TRIM66: variants seen among roughly 807,000 people sequenced by gnomAD.
TRIM66 encodes tripartite motif containing 66.
In TRIM66, 99 loss-of-function variants were observed where a neutral mutation model predicts 148.2. That is an observed-to-expected ratio of 0.67 (90% CI 0.57 to 0.79). TRIM66 has a LOEUF of 0.79. TRIM66 is among the 30% of genes least tolerant of loss of function. TRIM66 has a pLI of 0.00. For synonymous variants in TRIM66, 616 were observed against 635.9 expected, an observed-to-expected ratio of 0.97 and a Z score of 0.47; for missense variants, 1,666 against 1,697.9, an observed-to-expected ratio of 0.98 and a Z score of 0.33.
Position 8,617,517 on chromosome 11 carries a change from AC to A in TRIM66, c.*426del, listed in dbSNP as rs1228875706. On this transcript the variant is annotated 3_prime_UTR_variant, in exon 25 of 25. Coordinates refer to ENST00000646038, the MANE Select transcript of TRIM66 (RefSeq NM_001388022.1). ...GATCACAGTCCTGCCATATGTCTAAACCTCTCTCCCTTCTTTTACCCACTTC... is the reference window on the plus strand; with the variant it reads ...GATCACAGTCCTGCCATATGTCTAAACTCTCTCCCTTCTTTTACCCACTTC... 5.8e-6 allele frequency: 1 copy of A among 173,298 alleles called. No homozygotes were observed. The highest frequency in any genetic ancestry group is 2.4e-5 in the African/African-American group (1 of 41,982). The allele number at this position is 173,298 out of a possible 1,614,324, so 10.7% of individuals were successfully genotyped here. A position where few individuals can be genotyped will look rare whatever the true frequency, so the allele number is the denominator to read the frequency against.
intron 15 of TRIM66, among the ~76,000 whole-genome samples, chr11:8,638,324 A>C (rs2036065451): frequency 6.6e-6 from 1 of 152,182 alleles, no homozygotes; most frequent in South Asian, 2.1e-4. Flanking sequence ...CAAATGTTGG[A>C]GGTGAGGTGA....
At chr11:8,680,368 T>C (rs2039353802) in intron 1 of TRIM66, among the ~76,000 whole-genome samples, 1 of 152,022 alleles carries the variant, frequency 6.6e-6, no homozygotes, top group Non-Finnish European at 1.5e-5. Context: ...GATACAGAAA[T>C]TGGAGGAGGG....
chr11:8,664,460 G>A (rs952566189), intron 6 of TRIM66, among the ~76,000 whole-genome samples: 14 of 152,138 alleles, frequency 9.2e-5, no homozygotes, highest in African/African-American at 1.2e-4. Context: ...TGACCTTACC[G>A]GGCAGTAGTT....
intron 6 of TRIM66, among the ~76,000 whole-genome samples, chr11:8,671,474 T>C (rs976330543): frequency 6.6e-6 from 1 of 152,228 alleles, no homozygotes; most frequent in Non-Finnish European, 1.5e-5. Flanking sequence ...CTTGGAGATT[T>C]AGTGAGTCAG....
chr11:8,622,337 A>AC, intron 18 of TRIM66, among the ~76,000 whole-genome samples: 2 of 45,564 alleles, frequency 4.4e-5, no homozygotes, highest in African/African-American at 6.5e-5. Context: ...ACACACACAC[A>AC]CAACACACAC....
chr11:8,648,601 C>T, intron 8 of TRIM66, 53 bp from the exon 9 acceptor site: 1 of 1,545,290 alleles, frequency 6.5e-7, no homozygotes. Context: ...AGACAAACCT[C>T]TCAGTTAAGC....
At chr11:8,622,311 G>A (rs914846648) in intron 18 of TRIM66, among the ~76,000 whole-genome samples, 4 of 128,528 alleles carry the variant, frequency 3.1e-5, no homozygotes, top group African/African-American at 8.8e-5. Flanking sequence ...ATGTGTGTGT[G>A]TATATATATG....
chr11:8,618,690 G>T, intron 24 of TRIM66, 60 bp downstream of exon 24: 1 of 1,455,494 alleles, frequency 6.9e-7, no homozygotes, highest in Non-Finnish European at 9.3e-7. Flanking sequence ...GTTCTGCTTG[G>T]GTGCCCCTCT....
chr11:8,671,238 A>G (rs936273192), intron 6 of TRIM66, among the ~76,000 whole-genome samples: 1 of 152,232 alleles, frequency 6.6e-6, no homozygotes, highest in Non-Finnish European at 1.5e-5. Flanking sequence ...TACCTCTGTG[A>G]CATGTCCTGT....
rs377695121 is a variant in TRIM66 at position 8,646,394 on chromosome 11, G to C, written c.957+53C>G. 2.0e-5 allele frequency: 29 copies of C among 1,443,256 alleles called. No individual in the cohort carries two copies. The African/African-American group carries it at 3.5e-4, about 18-fold the overall frequency. 89.4% of individuals were successfully genotyped at this position (1,443,256 alleles called of 1,614,324 possible). A position where few individuals can be genotyped will look rare whatever the true frequency, so the allele number is the denominator to read the frequency against. ...CTTCCCTAGGTCCTGGGACTAGCTT[G>C]ATATATGGATGGTTTCTGAACCCAA... On this transcript the variant is annotated intron_variant, in intron 11 of 24. Transcript: ENST00000646038.
chr11:8,646,398 T>G (rs1440606692), intron 11 of TRIM66, 49 bp downstream of exon 11: 2 of 1,466,082 alleles, frequency 1.4e-6, no homozygotes, highest in African/African-American at 2.8e-5. Flanking sequence ...TAGCTTGATA[T>G]ATGGATGGTT....
chr11:8,619,045 C>A (rs1473847014), intron 23 of TRIM66, 77 bp from the exon 24 acceptor site: 2 of 1,344,734 alleles, frequency 1.5e-6, no homozygotes, highest in Non-Finnish European at 1.0e-6. Flanking sequence ...AAGAGCTACA[C>A]AGAGCACAAA....
chr11:8,661,123 G>A (rs553723726), intron 6 of TRIM66, among the ~76,000 whole-genome samples: 54 of 152,336 alleles, frequency 3.5e-4, no homozygotes, highest in African/African-American at 1.2e-3. Context: ...TAAGTGAAGT[G>A]ACGTCAGGAA....
chr11:8,647,504 T>C (rs2036970957), intron 10 of TRIM66, among the ~76,000 whole-genome samples: 2 of 152,184 alleles, frequency 1.3e-5, no homozygotes, highest in Admixed American at 1.3e-4. Flanking sequence ...GCCTGACACA[T>C]GAGGTGCTCT....
chr11:8,675,627 C>G (rs1467800729), intron 3 of TRIM66, among the ~76,000 whole-genome samples: 1 of 152,338 alleles, frequency 6.6e-6, no homozygotes, highest in East Asian at 1.9e-4. Flanking sequence ...GATGATCCAC[C>G]TGCCTTGGCC....
chr11:8,624,248 G>T, intron 17 of TRIM66, 111 bp downstream of exon 17: 1 of 1,215,944 alleles, frequency 8.2e-7, no homozygotes, highest in Non-Finnish European at 1.1e-6. Flanking sequence ...TCAGAGAGAT[G>T]CACTGCTTCC....
At position 8,671,854 on chromosome 11, in the gene TRIM66, T is replaced by C. The variant is rs2038952111; in HGVS notation, c.272A>G (p.Lys91Arg). The C allele has an allele frequency of 2.0e-6, 3 of 1,535,562 alleles. No homozygotes were observed. In the South Asian group the frequency reaches 3.6e-5, roughly 18 times the overall value. ...HLLSCQHLLRKDCFQGLIQEL... is the reference protein window; with the variant it reads ...HLLSCQHLLRRDCFQGLIQEL... ...CTGTATCAAGCCCTGGAAGCAGTCC[T>C]TACGGAGCAAATGCTGGCAGGATAG... Residue 91 changes from lysine to arginine, a missense_variant, in exon 6 of 25, where the codon AAG becomes AGG. Around this residue, in one of 3 missense-constraint regions of TRIM66, gnomAD observed 1,431 missense variants for 1,412.4 expected, o/e 1.01. Coordinates refer to ENST00000646038, the MANE Select transcript of TRIM66 (RefSeq NM_001388022.1).
chr11:8,622,363 C>CATATATATATATATATAT (rs1201366239), intron 18 of TRIM66, among the ~76,000 whole-genome samples: 1 of 55,350 alleles, frequency 1.8e-5, no homozygotes, highest in Non-Finnish European at 4.4e-5. Context: ...CACACACACA[C>CATATATATATATATATAT]ACATATATAT....
At position 8,640,725 on chromosome 11, in the gene TRIM66, C is replaced by G; in HGVS notation, c.1650G>C (p.Gln550His). The G allele has an allele frequency of 6.4e-7, 1 of 1,551,476 alleles. No individual in the cohort carries two copies. Among genetic ancestry groups the G allele is most frequent in the Non-Finnish European group, 8.7e-7 (1 of 1,146,980 alleles). Residue 550 changes from glutamine (Q) to histidine (H), a missense_variant, in exon 14 of 25, where the codon CAG (glutamine) becomes CAC (histidine). Physicochemically the swap from Gln to His is conservative, Grantham distance 24. This residue lies in a region of TRIM66 where 1,431 missense variants were observed against 1,412.4 expected (regional missense o/e 1.01). Transcript: ENST00000646038. Reference protein sequence around the residue: ...QESTSQRLGQQLTSQPVCIVP... With the variant: ...QESTSQRLGQHLTSQPVCIVP... ...CAATGCACACGGGCTGGGAAGTCAG[C>G]TGCTGCCCCAGCCGCTGGGATGTGC...
Sources: allele counts gnomAD v4.1 joint callset (sites outside exome capture counted in the v4.1 genomes callset), GRCh38; gene constraint gnomAD v4.1.1; regional missense constraint gnomAD v4.1.1; transcripts MANE v1.5; gene names NCBI Gene and HGNC (gene_info 2026-07-23, HGNC 2026-07-21).